Variants in ADCY4 observed in about 807,000 individuals in gnomAD.
ADCY4 encodes the protein adenylate cyclase type 4.
Under a neutral mutation model 125.5 loss-of-function variants are expected in ADCY4, and 111 were observed. The ratio of observed to expected loss-of-function variants is 0.88; its 90% CI spans 0.76 to 1.04. ADCY4 has a LOEUF of 1.04. Among genes scored for constraint, ADCY4 ranks in the 50% least tolerant of loss-of-function variants. The pLI, the probability that ADCY4 is intolerant of heterozygous loss-of-function variation, is 0.00. For missense variants in ADCY4, 1,256 were observed against 1,382.9 expected, an observed-to-expected ratio of 0.91 and a Z score of 1.46; for synonymous variants, 576 against 586.9, an observed-to-expected ratio of 0.98 and a Z score of 0.27.
In ADCY4 at chr14:24,326,896, ATTTT is replaced by A. The variant is rs3078135; in HGVS notation, c.1525-558_1525-555del. Among the ~76,000 whole-genome samples, 10 of 109,920 alleles carry A rather than the reference ATTTT, an allele frequency of 9.1e-5. No homozygotes were observed. The East Asian group carries it at 2.1e-3, about 23-fold the overall frequency. The allele number at this position is 109,920 out of a possible 152,430, so 72.1% of individuals were successfully genotyped here. A position where few individuals can be genotyped will look rare whatever the true frequency, so the allele number is the denominator to read the frequency against. On this transcript the variant is annotated intron_variant, in intron 10 of 24. Transcript: ENST00000418030. Reference sequence around the variant, plus strand: ...GGCATGAGCCACCGTACCTGGCTGGATTTTTTTTTTTTTTTTTGCAACGGAGTTT... The same window carrying A: ...GGCATGAGCCACCGTACCTGGCTGGATTTTTTTTTTTTTGCAACGGAGTTT...
chr14:24,325,982 G>A, intron 12 of ADCY4, 95 bp from the exon 13 acceptor site: 2 of 1,588,158 alleles, frequency 1.3e-6, no homozygotes, highest in Non-Finnish European at 1.7e-6. Context: ...GGGGTGGTCA[G>A]GCGAGTCTTC....
At chr14:24,318,941 G>T in intron 23 of ADCY4, 157 bp downstream of exon 23, 1 of 1,380,374 alleles carries the variant, frequency 7.2e-7, no homozygotes, top group Non-Finnish European at 1.0e-6. Context: ...GGAGAGCCTC[G>T]TACCTCCTTG....
At chr14:24,328,517 C>G (rs1432100799) in intron 10 of ADCY4, 3 of 156,024 alleles carry the variant, frequency 1.9e-5, no homozygotes, top group Non-Finnish European at 2.9e-5. Context: ...TCTCCTCTCC[C>G]TCTCTGCCTC....
rs1427936018 is a variant in ADCY4 at position 24,323,083 on chromosome 14, G to A, written c.2163C>T (p.Ser721=). The A allele has an allele frequency of 1.2e-6, 2 of 1,613,990 alleles. No individual in the cohort carries two copies. Among genetic ancestry groups the A allele is most frequent in the Non-Finnish European group, 1.7e-6 (2 of 1,179,942 alleles). Reference sequence around the variant, plus strand: ...GGAAGCCCAGCGTGCAGCAGTGCATGGAGTACTGTGGGGCCAGGCAGGGGT... The same window carrying A: ...GGAAGCCCAGCGTGCAGCAGTGCATAGAGTACTGTGGGGCCAGGCAGGGGT... ...GSLPLISVPY[S]MHCCTLGFLS... Residue 721 remains serine (S), a synonymous_variant, in exon 18 of 25, where the codon TCC becomes TCT. Coordinates refer to ENST00000418030, the MANE Select transcript of ADCY4 (RefSeq NM_001198568.2).
At chr14:24,328,069 C>T (rs1260246229) in intron 10 of ADCY4, among the ~76,000 whole-genome samples, 1 of 152,124 alleles carries the variant, frequency 6.6e-6, no homozygotes, top group Non-Finnish European at 1.5e-5. Flanking sequence ...GACAGGAGTG[C>T]GAGCCTTCTG....
chr14:24,318,679 C>T lies in ADCY4; in HGVS notation c.3056G>A (p.Ser1019Asn). 1 of 1,614,180 alleles carries T rather than the reference C, an allele frequency of 6.2e-7. No individual in the cohort carries two copies. Among genetic ancestry groups the T allele is most frequent in the South Asian group, 1.1e-5 (1 of 91,088 alleles). ...TTGGATTTTGCCAAGGACTCCTGTACTCTCCATGCGGCTGGCCACGTTCAC... is the reference window on the plus strand; with the variant it reads ...TTGGATTTTGCCAAGGACTCCTGTATTCTCCATGCGGCTGGCCACGTTCAC... Reference protein sequence around the residue: ...NTVNVASRMESTGVLGKIQVT... With the variant: ...NTVNVASRMENTGVLGKIQVT... Residue 1019 changes from serine to asparagine, a missense_variant, in exon 24 of 25, where the codon AGT (serine) becomes AAT (asparagine). Coordinates refer to ENST00000418030, the MANE Select transcript of ADCY4 (RefSeq NM_001198568.2).
chr14:24,322,865 C>G (rs1391732905), intron 18 of ADCY4, 39 bp downstream of exon 18: 3 of 1,558,058 alleles, frequency 1.9e-6, no homozygotes, highest in Non-Finnish European at 2.6e-6. Context: ...TCACCCCATC[C>G]CAGGGGGCCC....
chr14:24,331,729 T>G, intron 4 of ADCY4, 59 bp downstream of exon 4: 1 of 1,466,028 alleles, frequency 6.8e-7, no homozygotes. Context: ...AGCCCCGTTA[T>G]GTAATCTAAG....
chr14:24,319,473 T>TA lies in ADCY4; in HGVS notation c.2734-38dup. Reference sequence around the variant, plus strand: ...GAAGAGTCCTGTCCCCAGTCTCTCTTACTCTCTCCATCACCTCTCCCAGAA... The same window carrying TA: ...GAAGAGTCCTGTCCCCAGTCTCTCTTAACTCTCTCCATCACCTCTCCCAGAA... On this transcript the variant is annotated intron_variant, in intron 21 of 24. Transcript: ENST00000418030. This position sits in a 1 kb window ranked among gnomAD's most constrained non-coding sequence, Gnocchi z 4.5. 1 of 1,595,596 alleles carries TA rather than the reference T, an allele frequency of 6.3e-7. No individual in the cohort carries two copies. Among genetic ancestry groups the TA allele is most frequent in the Non-Finnish European group, 8.6e-7 (1 of 1,163,470 alleles).
In ADCY4 at chr14:24,328,974, G is replaced by A. The variant is rs760816429; in HGVS notation, c.1524+87C>T. On this transcript the variant is annotated intron_variant, in intron 10 of 24. Coordinates refer to ENST00000418030, the MANE Select transcript of ADCY4 (RefSeq NM_001198568.2). ...AATCATTAAGTGGCTCACTGGTGGT[G>A]GGGGCAGGGAAGGCTGCCAGTGGGG... is the stretch of plus-strand genomic sequence containing the variant. The A allele has an allele frequency of 3.4e-5, 50 of 1,463,496 alleles. No homozygotes were observed. The African/African-American group carries it at 4.8e-4, about 14-fold the overall frequency. 90.7% of individuals were successfully genotyped at this position (1,463,496 alleles called of 1,614,324 possible).
chr14:24,321,976 T>A (rs2041858515), intron 20 of ADCY4, 90 bp downstream of exon 20: 3 of 1,487,078 alleles, frequency 2.0e-6, no homozygotes, highest in Non-Finnish European at 2.7e-6. Flanking sequence ...TTCTGGGGGT[T>A]CTAGAGAAAA....
rs781415110 is a variant in ADCY4, at chr14:24,329,481, C to A, written c.1270G>T (p.Val424Leu). Residue 424 changes from valine to leucine, a missense_variant, in exon 9 of 25, where the codon GTG becomes TTG. Val to Leu is a conservative substitution (Grantham distance 32, BLOSUM62 1). Coordinates refer to ENST00000418030, the MANE Select transcript of ADCY4 (RefSeq NM_001198568.2). ...TLALLAGAYAVEDAGMEHRDP... is the reference protein window; with the variant it reads ...TLALLAGAYALEDAGMEHRDP... The stretch of plus-strand genomic sequence containing the variant: ...CGATGCTCCATGCCTGCGTCCTCCA[C>A]AGCATAAGCCCCTGCCAGCAGGGCC... 3.8e-6 allele frequency: 6 copies of A among 1,573,640 alleles called. No homozygotes were observed. The Admixed American group carries it at 1.2e-4, about 31-fold the overall frequency.
In ADCY4 at chr14:24,322,124, T is replaced by C; in HGVS notation, c.2528A>G (p.Glu843Gly). The C allele has an allele frequency of 1.2e-6, 2 of 1,614,152 alleles. No individual in the cohort carries two copies. The highest frequency in any genetic ancestry group is 1.7e-6 in the Non-Finnish European group (2 of 1,180,006). Reference sequence around the variant, plus strand: ...GGCCACGTGTGCAGGGAGCACGTTCTCCAAGAGCAGCCGAGTCAGGTTCTC... The same window carrying C: ...GGCCACGTGTGCAGGGAGCACGTTCCCCAAGAGCAGCCGAGTCAGGTTCTC... Reference protein sequence around the residue: ...TMENLTRLLLENVLPAHVAPQ... With the variant: ...TMENLTRLLLGNVLPAHVAPQ... The change falls in exon 20 of 25, where the codon GAG (glutamate) becomes GGG (glycine). Residue 843 changes from glutamate (E) to glycine (G), a missense_variant. By Grantham distance (98) the Glu-to-Gly change is moderately conservative. Transcript: ENST00000418030.
intron 9 of ADCY4, 46 bp downstream of exon 9, chr14:24,329,355 G>C: frequency 2.6e-6 from 4 of 1,548,752 alleles, no homozygotes; most frequent in Non-Finnish European, 3.5e-6. Context: ...TTGGCTGTGG[G>C]GTGGTTTGTG....
At position 24,324,358 on chromosome 14, in the gene ADCY4, G is replaced by A; in HGVS notation, c.1857C>T (p.Thr619=). 6 of 1,614,232 alleles carry A rather than the reference G, an allele frequency of 3.7e-6. No individual in the cohort carries two copies. Among genetic ancestry groups the A allele is most frequent in the Non-Finnish European group, 5.1e-6 (6 of 1,180,032 alleles). The change falls in exon 15 of 25, where the codon ACC becomes ACT. Residue 619 remains threonine (T), a synonymous_variant. Transcript: ENST00000418030. ...PPALAITYSI[T]FLLFLLILFV... is the part of the protein sequence containing the mutation. Reference sequence around the variant, plus strand: ...AAAGGATGAGGAGGAAGAGGAGGAAGGTGATGCTATACGTGATGGCCAGAG... The same window carrying A: ...AAAGGATGAGGAGGAAGAGGAGGAAAGTGATGCTATACGTGATGGCCAGAG...
At chr14:24,327,727 G>T (rs550282836) in intron 10 of ADCY4, among the ~76,000 whole-genome samples, 11 of 152,268 alleles carry the variant, frequency 7.2e-5, no homozygotes, top group African/African-American at 2.6e-4. Flanking sequence ...GGAAGTGGGG[G>T]GTCCAACTGC....
At chr14:24,332,755 G>C in intron 2 of ADCY4, 36 bp downstream of exon 2, 1 of 1,531,508 alleles carries the variant, frequency 6.5e-7, no homozygotes, top group East Asian at 2.4e-5. Context: ...TCGAAGCCCG[G>C]GCCGTCCCCG....
intron 13 of ADCY4, 88 bp downstream of exon 13, chr14:24,325,730 T>A: frequency 6.8e-7 from 1 of 1,466,148 alleles, no homozygotes; most frequent in Non-Finnish European, 9.3e-7. Context: ...TGAGCAGACT[T>A]GGGGAGGAGA....
chr14:24,329,649 G>A (rs1365954744), intron 8 of ADCY4, 116 bp from the exon 9 acceptor site: 24 of 1,433,340 alleles, frequency 1.7e-5, no homozygotes, highest in Admixed American at 2.8e-5. Flanking sequence ...TTTAAAGATC[G>A]TTCCTGGATG....
Sources: allele counts gnomAD v4.1 joint callset (sites outside exome capture counted in the v4.1 genomes callset), GRCh38; gene constraint gnomAD v4.1.1; non-coding constraint Gnocchi (gnomAD v3.1); transcripts MANE v1.5; gene names NCBI Gene and HGNC (gene_info 2026-07-23, HGNC 2026-07-21).